The following EFCAB5 variants were observed in gnomAD, a reference collection of about 807,000 sequenced individuals.
EFCAB5 encodes EF-hand calcium-binding domain-containing protein 5.
EFCAB5 carries 131 observed loss-of-function variants against 167.9 expected under a neutral mutation model. The ratio of observed to expected loss-of-function variants is 0.78; its 90% confidence interval spans 0.68 to 0.90. The LOEUF is 0.90. Among genes scored for constraint, EFCAB5 ranks in the 40% least tolerant of loss-of-function variants. EFCAB5 has a pLI of 0.00. For synonymous variants in EFCAB5, 574 were observed against 602.8 expected (o/e 0.95, Z 0.70); for missense variants, 1,663 against 1,745.2 (o/e 0.95, Z 0.84).
chr17:30,081,668 C>T (rs1309168062), intron 17 of EFCAB5, among the ~76,000 whole-genome samples: 1 of 152,170 alleles, frequency 6.6e-6, no homozygotes, highest in Non-Finnish European at 1.5e-5. Flanking sequence ...TCATTTGTTG[C>T]CCTGTAAGCC....
At chr17:30,101,379 G>A (rs1331640000) in intron 22 of EFCAB5, among the ~76,000 whole-genome samples, 1 of 152,204 alleles carries the variant, frequency 6.6e-6, no homozygotes, top group Non-Finnish European at 1.5e-5. Flanking sequence ...AGTGTGGAAT[G>A]AGAAAGAAAC....
At chr17:29,969,437 T>C in intron 4 of EFCAB5, 70 bp downstream of exon 4, 1 of 1,312,250 alleles carries the variant, frequency 7.6e-7, no homozygotes, top group Non-Finnish European at 1.0e-6. Context: ...AAAAATAACA[T>C]AATCATGGAC....
rs1325035265 is a variant in EFCAB5, at chr17:30,082,150, G to A, written c.3427-741G>A. ...CTTGGAACCAAACATGTCCTATACT[G>A]TCGATCTGATGATAGTGGCCATGTC... On this transcript the variant is annotated intron_variant, in intron 17 of 22. Transcript: ENST00000394835. 2.0e-5 allele frequency among the ~76,000 whole-genome samples: 3 copies of A among 152,088 alleles called. No homozygotes were observed. The East Asian group carries it at 5.8e-4, about 29-fold the overall frequency.
intron 22 of EFCAB5, among the ~76,000 whole-genome samples, chr17:30,096,209 C>T (rs1292902722): frequency 6.6e-6 from 1 of 152,032 alleles, no homozygotes; most frequent in African/African-American, 2.4e-5. Context: ...CCAAGTTATT[C>T]AGAGGAAAAA....
At position 29,968,858 on chromosome 17, in the gene EFCAB5, A is replaced by G. The variant is rs2067888193; in HGVS notation, c.258A>G (p.Ser86=). 2 of 1,557,278 alleles carry G rather than the reference A, an allele frequency of 1.3e-6. No individual in the cohort carries two copies. The highest frequency in any genetic ancestry group is 1.2e-5 in the South Asian group (1 of 83,144). The change falls in exon 4 of 23, where the codon TCA becomes TCG. Residue 86 remains serine (S), a synonymous_variant. Coordinates refer to ENST00000394835, the MANE Select transcript of EFCAB5 (RefSeq NM_198529.4). The part of the protein sequence containing the change: ...GSIKDSKTEA[S]GNIAIRKSAK... ...TAAAGGACTCTAAAACTGAAGCCTC[A>G]GGTAATATTGCAATTAGAAAATCTG...
chr17:29,951,900 T>G (rs1659751731), intron 3 of EFCAB5, among the ~76,000 whole-genome samples: 1 of 152,174 alleles, frequency 6.6e-6, no homozygotes, highest in African/African-American at 2.4e-5. Context: ...TTGGAACCAA[T>G]CACTCTGGGA....
Position 30,055,938 on chromosome 17 carries a change from C to CA in EFCAB5, c.2251dup (p.Ile751AsnfsTer9). On this transcript the variant is annotated frameshift_variant, in exon 11 of 23. Coordinates refer to ENST00000394835, the MANE Select transcript of EFCAB5 (RefSeq NM_198529.4). LOFTEE classifies it high-confidence loss of function. ...AGACAAGCCCTGTGAACCCAAGTCC[C>CA]AAAAAATAGAAGGAAAGTCATGGTC... The CA allele has an allele frequency of 3.7e-6, 6 of 1,613,524 alleles. No homozygotes were observed. The highest frequency in any genetic ancestry group is 5.1e-6 in the Non-Finnish European group (6 of 1,179,722).
At chr17:29,931,953 A>G (rs945091593) in intron 1 of EFCAB5, among the ~76,000 whole-genome samples, 1 of 152,170 alleles carries the variant, frequency 6.6e-6, no homozygotes, top group Non-Finnish European at 1.5e-5. Context: ...CCTTGCAGTG[A>G]GAAAGAGCAC....
upstream of EFCAB5, among the ~76,000 whole-genome samples, chr17:29,937,612 G>T (rs1033961431): frequency 1.3e-5 from 2 of 152,034 alleles, no homozygotes; most frequent in Admixed American, 6.6e-5. Flanking sequence ...TTGAGGGGAG[G>T]TTTTCAAAGG....
chr17:30,019,726 G>A (rs1025139093), intron 7 of EFCAB5, among the ~76,000 whole-genome samples: 16 of 152,040 alleles, frequency 1.1e-4, no homozygotes, highest in African/African-American at 3.6e-4. Flanking sequence ...GATTACAGGC[G>A]TGAGCCACCG....
intron 8 of EFCAB5, among the ~76,000 whole-genome samples, chr17:30,038,361 G>T (rs1219391509): frequency 1.3e-5 from 2 of 152,176 alleles, no homozygotes; most frequent in Non-Finnish European, 2.9e-5. Flanking sequence ...GATAACAGTA[G>T]ATATGTTTGT....
At chr17:30,087,195 G>A (rs1462301257) in intron 19 of EFCAB5, 29 bp downstream of exon 19, 1 of 1,581,246 alleles carries the variant, frequency 6.3e-7, no homozygotes, top group African/African-American at 1.3e-5. Flanking sequence ...TTGTTTGACT[G>A]CTAGAACACA....
intron 3 of EFCAB5, among the ~76,000 whole-genome samples, chr17:29,948,140 C>A (rs929452213): frequency 1.3e-5 from 2 of 152,126 alleles, no homozygotes; most frequent in Non-Finnish European, 2.9e-5. Context: ...TTAACTCATT[C>A]ATTTTAAAAA....
intron 4 of EFCAB5, among the ~76,000 whole-genome samples, chr17:29,992,781 T>C (rs1323335217): frequency 6.6e-6 from 1 of 152,240 alleles, no homozygotes; most frequent in Non-Finnish European, 1.5e-5. Flanking sequence ...GACAAACTGA[T>C]TTCAGATCTT....
chr17:29,972,729 G>C (rs561388046), intron 4 of EFCAB5: 2 of 217,974 alleles, frequency 9.2e-6, no homozygotes, highest in Admixed American at 4.2e-5. Flanking sequence ...TCCTGTGGCC[G>C]GCCAGAAAGC....
intron 3 of EFCAB5, among the ~76,000 whole-genome samples, chr17:29,950,894 T>C (rs2067495630): frequency 6.6e-6 from 1 of 152,202 alleles, no homozygotes; most frequent in Non-Finnish European, 1.5e-5. Context: ...AACTCCTACA[T>C]TGTTCAAGGG....
At chr17:29,967,072 A>C (rs142243278) in intron 3 of EFCAB5, among the ~76,000 whole-genome samples, 1 of 152,094 alleles carries the variant, frequency 6.6e-6, no homozygotes, top group East Asian at 1.9e-4. Flanking sequence ...AATTTCTTCT[A>C]ATTTCTCTGC....
At chr17:30,021,477 AAAC>A (rs1444410850) in intron 7 of EFCAB5, among the ~76,000 whole-genome samples, 2 of 148,406 alleles carry the variant, frequency 1.3e-5, no homozygotes, top group Admixed American at 6.7e-5. Context: ...CATGTATATA[AAAC>A]AACACACAAA....
chr17:30,062,851 T>C (rs925952775), intron 14 of EFCAB5, among the ~76,000 whole-genome samples: 1 of 151,988 alleles, frequency 6.6e-6, no homozygotes, highest in Admixed American at 6.6e-5. Flanking sequence ...GAAAAACAAT[T>C]CCTTGGCCAC....
Sources: gnomAD v4.1 joint callset for allele counts (sites outside exome capture counted in the v4.1 genomes callset) on GRCh38, gnomAD v4.1.1 for gene constraint, MANE v1.5 for transcripts, NCBI Gene and HGNC (gene_info 2026-07-23, HGNC 2026-07-21) for gene names.